The following TGFA variants were observed in gnomAD, a reference collection of about 807,000 sequenced individuals.
The protein encoded by TGFA is protransforming growth factor alpha.
A neutral mutation model predicts 21.7 loss-of-function variants in TGFA; 12 were observed. That is an observed-to-expected ratio of 0.55 (90% confidence interval 0.35 to 0.90). The LOEUF (loss-of-function observed/expected upper bound fraction) is 0.90, where lower values mean the gene tolerates loss of function less well. TGFA is among the 40% of genes least tolerant of loss of function. TGFA has a pLI of 0.01. For synonymous variants in TGFA, 79 were observed against 88.1 expected (o/e 0.90, Z 0.58); for missense variants, 178 against 210.8 (o/e 0.84, Z 0.96).
intron 2 of TGFA, among the ~76,000 whole-genome samples, chr2:70,511,875 C>G (rs1373226981): frequency 6.7e-6 from 1 of 149,066 alleles, no homozygotes; most frequent in African/African-American, 2.5e-5. Flanking sequence ...GAGAGTTTTA[C>G]TTATTAGTCA....
chr2:70,529,593 CCG>C (rs57796003), intron 1 of TGFA, among the ~76,000 whole-genome samples: 7,517 of 151,650 alleles, frequency 0.05, 513 homozygotes, highest in African/African-American at 0.15. Flanking sequence ...GTGAATCCCC[CCG>C]CCCCAGTCCT....
chr2:70,540,673 C>G (rs1336872438), intron 1 of TGFA, among the ~76,000 whole-genome samples: 1 of 152,122 alleles, frequency 6.6e-6, no homozygotes, highest in African/African-American at 2.4e-5. Flanking sequence ...GGATTATGAA[C>G]AGATTTTTAG....
At chr2:70,472,668 C>G (rs1574081352) in intron 2 of TGFA, among the ~76,000 whole-genome samples, 1 of 152,192 alleles carries the variant, frequency 6.6e-6, no homozygotes, top group Admixed American at 6.5e-5. Flanking sequence ...AGCATCCACA[C>G]CCCTGAGCGC....
intron 1 of TGFA, among the ~76,000 whole-genome samples, chr2:70,532,453 C>T (rs1672839941): frequency 6.6e-6 from 1 of 152,186 alleles, no homozygotes; most frequent in African/African-American, 2.4e-5. Flanking sequence ...CTTGGCTTTG[C>T]CTCCAGCCTC....
chr2:70,467,238 A>C (rs1235707897), intron 2 of TGFA: 2 of 152,200 alleles, frequency 1.3e-5, no homozygotes, highest in South Asian at 2.1e-4. Context: ...TAAAGCAAGA[A>C]ACCCATATGA....
At position 70,448,664 on chromosome 2, in the gene TGFA, C is replaced by G. The variant is rs1669958588; in HGVS notation, c.*2195G>C. 6.6e-6 allele frequency: 1 copy of G among 152,248 alleles called. No homozygotes were observed. Among genetic ancestry groups the G allele is most frequent in the African/African-American group, 2.4e-5 (1 of 41,454 alleles). The allele number at this position is 152,248 out of a possible 1,614,324, so 9.4% of individuals were successfully genotyped here. Reference sequence around the variant, plus strand: ...CCTGAGGCATGGACAATGGTCCAACCAGGCTTGCATTGATGCAGCCTCTTT... The same window carrying G: ...CCTGAGGCATGGACAATGGTCCAACGAGGCTTGCATTGATGCAGCCTCTTT... On this transcript the variant is annotated 3_prime_UTR_variant, in exon 6 of 6. Coordinates refer to ENST00000295400, the MANE Select transcript of TGFA (RefSeq NM_003236.4).
In TGFA at chr2:70,553,802, C is replaced by T; in HGVS notation, c.-35G>A. The T allele has an allele frequency of 8.0e-7, 1 of 1,255,838 alleles. No homozygotes were observed. Among genetic ancestry groups the T allele is most frequent in the African/African-American group, 1.5e-5 (1 of 64,764 alleles). 77.8% of individuals were successfully genotyped at this position (1,255,838 alleles called of 1,614,324 possible). ...GGGCGGGCAGCAGGCTCTCCAGCCT[C>T]CTGCCCTACCTGCGGTGCCCGAGTG... On this transcript the variant is annotated 5_prime_UTR_variant, in exon 1 of 6. Coordinates refer to ENST00000295400, the MANE Select transcript of TGFA (RefSeq NM_003236.4).
intron 4 of TGFA, among the ~76,000 whole-genome samples, chr2:70,454,979 A>G (rs1037901734): frequency 6.6e-6 from 1 of 152,208 alleles, no homozygotes; most frequent in Admixed American, 6.5e-5. Flanking sequence ...GGCAGCACAC[A>G]CAGCTACTGG....
intron 1 of TGFA, among the ~76,000 whole-genome samples, chr2:70,520,570 C>T (rs1488528596): frequency 6.6e-6 from 1 of 152,058 alleles, no homozygotes; most frequent in African/African-American, 2.4e-5. Context: ...TATTTAGCAC[C>T]TACATACTGT....
At position 70,460,169 on chromosome 2, in the gene TGFA, C is replaced by T. The variant is rs563706447; in HGVS notation, c.216-3681G>A. 2.6e-4 allele frequency among the ~76,000 whole-genome samples: 40 copies of T among 152,278 alleles called. No individual in the cohort carries two copies. In the South Asian group the frequency reaches 7.9e-3, roughly 30 times the overall value. Reference sequence around the variant, plus strand: ...CTGCCTATTGAAATTGCATGCAGAGCTTTCAAAAATCCTGATGTCCAGGCC... The same window carrying T: ...CTGCCTATTGAAATTGCATGCAGAGTTTTCAAAAATCCTGATGTCCAGGCC... On this transcript the variant is annotated intron_variant, in intron 3 of 5. Coordinates refer to ENST00000295400, the MANE Select transcript of TGFA (RefSeq NM_003236.4).
Position 70,482,566 on chromosome 2 carries a change from G to A in TGFA, c.95-16830C>T, listed in dbSNP as rs558548428. ...TTGTGGTCAGCTAAGGCCTCTGGCT[G>A]TTTCTCCACTTAAACTACTGTCAAA... On this transcript the variant is annotated intron_variant, in intron 2 of 5. Coordinates refer to ENST00000295400, the MANE Select transcript of TGFA (RefSeq NM_003236.4). Among the ~76,000 whole-genome samples, 19 of 152,296 alleles carry A rather than the reference G, an allele frequency of 1.2e-4. No homozygotes were observed. In the East Asian group the frequency reaches 3.5e-3, roughly 28 times the overall value.
intron 1 of TGFA, among the ~76,000 whole-genome samples, chr2:70,552,708 T>C (rs1673549808): frequency 6.6e-6 from 1 of 152,224 alleles, no homozygotes; most frequent in South Asian, 2.1e-4. Context: ...GCTGCGGCTC[T>C]GGGCATTTCT....
intron 3 of TGFA, 147 bp from the exon 4 acceptor site, chr2:70,456,635 G>C: frequency 1.0e-6 from 1 of 952,900 alleles, no homozygotes; most frequent in East Asian, 2.7e-5. Context: ...AGGGAAAGGT[G>C]TCAGCAAAAT....
intron 1 of TGFA, among the ~76,000 whole-genome samples, chr2:70,533,182 G>A (rs1258113244): frequency 6.6e-6 from 1 of 152,168 alleles, no homozygotes; most frequent in Non-Finnish European, 1.5e-5. Context: ...TTTACTGCTG[G>A]AAAACAGCGT....
intron 2 of TGFA, among the ~76,000 whole-genome samples, chr2:70,477,799 G>A (rs1670983536): frequency 6.6e-6 from 1 of 152,174 alleles, no homozygotes; most frequent in Admixed American, 6.5e-5. Context: ...AAAGAAGTCT[G>A]CAGGGCCAGG....
At chr2:70,475,578 C>T (rs1012478037) in intron 2 of TGFA, among the ~76,000 whole-genome samples, 1 of 152,048 alleles carries the variant, frequency 6.6e-6, no homozygotes, top group African/African-American at 2.4e-5. Flanking sequence ...TGGGCATCTT[C>T]CACACACTCA....
intron 1 of TGFA, among the ~76,000 whole-genome samples, chr2:70,537,815 C>G (rs112753352): frequency 7.9e-5 from 12 of 152,258 alleles, no homozygotes; most frequent in African/African-American, 2.9e-4. Context: ...AGCAAGTTAT[C>G]CAGAAGATCT....
chr2:70,506,447 G>T (rs1370090281), intron 2 of TGFA, among the ~76,000 whole-genome samples: 1 of 152,182 alleles, frequency 6.6e-6, no homozygotes, highest in Non-Finnish European at 1.5e-5. Flanking sequence ...TGCTGTAAGG[G>T]CCTAGGAATC....
chr2:70,481,676 AG>A (rs1453260425), intron 2 of TGFA, among the ~76,000 whole-genome samples: 7 of 152,222 alleles, frequency 4.6e-5, no homozygotes, highest in Non-Finnish European at 8.8e-5. Flanking sequence ...ATGTGACTTC[AG>A]AGACTAGGTC....
Sources: gnomAD v4.1 joint callset for allele counts (sites outside exome capture counted in the v4.1 genomes callset) on GRCh38, gnomAD v4.1.1 for gene constraint, MANE v1.5 for transcripts, NCBI Gene and HGNC (gene_info 2026-07-23, HGNC 2026-07-21) for gene names.